The following FRMD5 variants were observed in gnomAD, a reference collection of about 807,000 sequenced individuals.
The protein encoded by FRMD5 is FERM domain containing 5, also known as FERM domain-containing protein 5.
A neutral mutation model predicts 69.0 loss-of-function variants in FRMD5; 20 were observed. The observed-to-expected ratio is 0.29, with a 90% CI of 0.20 to 0.42. The LOEUF is 0.42. FRMD5 is among the 10% of genes least tolerant of loss of function. FRMD5 has a pLI of 1.00. For missense variants in FRMD5, 595 were observed against 708.6 expected, an observed-to-expected ratio of 0.84 and a Z score of 1.82; for synonymous variants, 271 against 260.1, an observed-to-expected ratio of 1.04 and a Z score of -0.40.
chr15:44,048,796 C>A (rs2140338952), intron 1 of FRMD5, among the ~76,000 whole-genome samples: 1 of 152,268 alleles, frequency 6.6e-6, no homozygotes, highest in South Asian at 2.1e-4. Context: ...TGGTCTTGAA[C>A]TCCTAGCCTC....
Position 44,074,417 on chromosome 15 carries a change from T to C in FRMD5, c.102+120536A>G, listed in dbSNP as rs188550387. Among the ~76,000 whole-genome samples the C allele has an allele frequency of 2.9e-3, 441 of 152,250 alleles. 3 individuals are homozygous for C. The highest frequency in any genetic ancestry group is 0.01 in the African/African-American group (429 of 41,550). On this transcript the variant is annotated intron_variant, in intron 1 of 13. Coordinates refer to ENST00000417257, the MANE Select transcript of FRMD5 (RefSeq NM_032892.5). ...TTAATCAATAGAGAATAATAAATAT[T>C]TCAAAATATGGAGGCCATGAGAAAC...
At chr15:44,101,327 G>T (rs987173533) in intron 1 of FRMD5, 1 of 152,430 alleles carries the variant, frequency 6.6e-6, no homozygotes, top group Admixed American at 6.6e-5. Flanking sequence ...TAGCAGGCAG[G>T]GTATGAAATC....
chr15:44,077,047 C>T (rs1268277682), intron 1 of FRMD5, among the ~76,000 whole-genome samples: 1 of 152,024 alleles, frequency 6.6e-6, no homozygotes, highest in Non-Finnish European at 1.5e-5. Context: ...TAACAACACT[C>T]TCGCCTTGAT....
intron 1 of FRMD5, among the ~76,000 whole-genome samples, chr15:44,053,456 A>G (rs1892748366): frequency 6.6e-6 from 1 of 152,168 alleles, no homozygotes; most frequent in Non-Finnish European, 1.5e-5. Context: ...CCCAAATACT[A>G]GTATTTTTAC....
At chr15:44,097,672 T>C (rs2733221) in intron 1 of FRMD5, among the ~76,000 whole-genome samples, 137,569 of 152,220 alleles carry the variant, frequency 0.9, 62,676 homozygotes, top group East Asian at 1. Context: ...AGACTAGTAA[T>C]TTGTCTAATG....
intron 1 of FRMD5, among the ~76,000 whole-genome samples, chr15:43,936,514 C>A (rs989638412): frequency 6.6e-6 from 1 of 152,120 alleles, no homozygotes; most frequent in African/African-American, 2.4e-5. Flanking sequence ...TGATTAATTA[C>A]TAAATGACTA....
chr15:44,099,790 A>G (rs1270623988), intron 1 of FRMD5, among the ~76,000 whole-genome samples: 1 of 152,140 alleles, frequency 6.6e-6, no homozygotes, highest in Admixed American at 6.5e-5. Flanking sequence ...CCACAACACT[A>G]TCTCTGGCAC....
chr15:44,148,051 C>A (rs1353210172), intron 1 of FRMD5, among the ~76,000 whole-genome samples: 1 of 152,194 alleles, frequency 6.6e-6, no homozygotes, highest in Non-Finnish European at 1.5e-5. Context: ...TCTAGCATTT[C>A]TTTAATCCAG....
At chr15:43,884,296 A>G (rs1000018425) in intron 12 of FRMD5, among the ~76,000 whole-genome samples, 2 of 152,180 alleles carry the variant, frequency 1.3e-5, no homozygotes, top group Non-Finnish European at 2.9e-5. Context: ...CTTAGATTCT[A>G]GGAGATAGGC....
At chr15:44,081,102 G>C (rs149517681) in intron 1 of FRMD5, among the ~76,000 whole-genome samples, 4 of 152,128 alleles carry the variant, frequency 2.6e-5, no homozygotes, top group Non-Finnish European at 5.9e-5. Flanking sequence ...GTCAAGGAAG[G>C]CTCCTTATGC....
At chr15:43,920,788 A>G (rs553872522) in intron 2 of FRMD5, among the ~76,000 whole-genome samples, 7 of 152,302 alleles carry the variant, frequency 4.6e-5, no homozygotes, top group Admixed American at 1.3e-4. Context: ...CTGAATGGCA[A>G]AGGGACTGGG....
chr15:44,077,389 G>A (rs1893813849), intron 1 of FRMD5, among the ~76,000 whole-genome samples: 1 of 152,012 alleles, frequency 6.6e-6, no homozygotes, highest in African/African-American at 2.4e-5. Flanking sequence ...TATTTAAAAT[G>A]TTCTTAAACA....
intron 10 of FRMD5, among the ~76,000 whole-genome samples, chr15:43,886,019 G>A (rs1044177483): frequency 6.6e-6 from 1 of 152,192 alleles, no homozygotes; most frequent in Non-Finnish European, 1.5e-5. Context: ...TGCTTCATAG[G>A]TTTTACCAGG....
intron 1 of FRMD5, among the ~76,000 whole-genome samples, chr15:44,033,104 A>G (rs1820482): frequency 0.86 from 131,045 of 152,174 alleles, 57,952 homozygotes; most frequent in Non-Finnish European, 0.95. Flanking sequence ...AAAATAACAC[A>G]GTTACAGAAA....
At chr15:44,020,016 T>C (rs1186522020) in intron 1 of FRMD5, among the ~76,000 whole-genome samples, 1 of 152,078 alleles carries the variant, frequency 6.6e-6, no homozygotes, top group African/African-American at 2.4e-5. Context: ...AAAATAAATA[T>C]ATGTTTTCTT....
intron 7 of FRMD5, among the ~76,000 whole-genome samples, chr15:43,892,514 G>C (rs985353553): frequency 3.3e-5 from 5 of 152,246 alleles, no homozygotes; most frequent in Admixed American, 1.3e-4. Context: ...TGTCCACACA[G>C]AAACTGGTAC....
At chr15:44,199,171 C>T (rs1381170404), upstream of FRMD5, among the ~76,000 whole-genome samples, 1 of 152,166 alleles carries the variant, frequency 6.6e-6, no homozygotes. Context: ...ACATGACAAA[C>T]ACAGGCCCTT....
chr15:43,941,792 A>G (rs1453990875), intron 1 of FRMD5, among the ~76,000 whole-genome samples: 1 of 152,178 alleles, frequency 6.6e-6, no homozygotes, highest in Admixed American at 6.5e-5. Flanking sequence ...GCTGCACCTA[A>G]ACACTAACTT....
chr15:44,005,649 C>G (rs567429004), intron 1 of FRMD5, among the ~76,000 whole-genome samples: 60 of 152,156 alleles, frequency 3.9e-4, no homozygotes, highest in African/African-American at 1.4e-3. Context: ...AGCAAGGCAT[C>G]TCACATGGCC....
Sources: allele counts gnomAD v4.1 joint callset (sites outside exome capture counted in the v4.1 genomes callset), GRCh38; gene constraint gnomAD v4.1.1; transcripts MANE v1.5; gene names NCBI Gene and HGNC (gene_info 2026-07-23, HGNC 2026-07-21).